The following ITGA7 variants were observed in gnomAD, a reference collection of about 807,000 sequenced individuals.
ITGA7 encodes integrin subunit alpha 7.
ITGA7 carries 84 observed loss-of-function variants against 131.6 expected under a neutral mutation model. The observed-to-expected ratio is 0.64, with a 90% CI of 0.54 to 0.77. The LOEUF is 0.77. ITGA7 is among the 30% of genes least tolerant of loss of function. ITGA7 has a pLI of 0.00. For missense variants in ITGA7, 1,399 were observed against 1,482.9 expected, an observed-to-expected ratio of 0.94 and a Z score of 0.93; for synonymous variants, 548 against 600.7, an observed-to-expected ratio of 0.91 and a Z score of 1.28.
At chr12:55,688,532 C>G (rs985727252) in intron 22 of ITGA7, among the ~76,000 whole-genome samples, 2 of 152,104 alleles carry the variant, frequency 1.3e-5, no homozygotes, top group Admixed American at 1.3e-4. Flanking sequence ...TGAGATCAGC[C>G]TGGCCAACAT....
In ITGA7 at chr12:55,700,922, G is replaced by T. The variant is rs1424008790; in HGVS notation, c.647C>A (p.Ala216Asp). ...ACCCTTCCAATTATAGGTTCCTGGG[G>T]CCCCAAAGAGGAGGTAGTGGCTATC... Reference protein sequence around the residue: ...SPDSHYLLFGAPGTYNWKGLL... With the variant: ...SPDSHYLLFGDPGTYNWKGLL... Residue 216 changes from alanine (A) to aspartate (D), a missense_variant, in exon 4 of 25, where the codon GCC becomes GAC. Physicochemically the swap from Ala to Asp is moderately radical, Grantham distance 126. Transcript: ENST00000257879. 1 of 1,614,204 alleles carries T rather than the reference G, an allele frequency of 6.2e-7. No individual in the cohort carries two copies. Among genetic ancestry groups the T allele is most frequent in the African/African-American group, 1.3e-5 (1 of 75,046 alleles).
chr12:55,688,736 A>AG lies in ITGA7; in HGVS notation c.2958+107dup, dbSNP rs796113131. Reference sequence around the variant, plus strand: ...AGACTCCGTCTCAAAAAAAAAAAAAAGGGGGGGGATGCTGCATTTGGACAG... The same window carrying AG: ...AGACTCCGTCTCAAAAAAAAAAAAAAGGGGGGGGGATGCTGCATTTGGACAG... On this transcript the variant is annotated intron_variant, in intron 22 of 24. Coordinates refer to ENST00000257879, the MANE Select transcript of ITGA7 (RefSeq NM_002206.3). 7.3e-4 allele frequency: 484 copies of AG among 660,948 alleles called. 2 individuals carry two copies. The African/African-American group carries it at 8.6e-3, about 12-fold the overall frequency. 40.9% of individuals were successfully genotyped at this position (660,948 alleles called of 1,614,324 possible).
chr12:55,700,039 C>T, intron 4 of ITGA7, 50 bp from the exon 5 acceptor site: 2 of 1,605,298 alleles, frequency 1.2e-6, no homozygotes, highest in Middle Eastern at 1.7e-4. Flanking sequence ...AGAGTAGGGG[C>T]CACAGAGTAG....
chr12:55,700,033 T>C (rs11171660), intron 4 of ITGA7, 44 bp from the exon 5 acceptor site: 13 of 1,609,534 alleles, frequency 8.1e-6, no homozygotes, highest in South Asian at 5.5e-5. Flanking sequence ...ACATCCAGAG[T>C]AGGGGCCACA....
intron 3 of ITGA7, among the ~76,000 whole-genome samples, chr12:55,702,079 G>C (rs1010238857): frequency 6.6e-6 from 1 of 152,050 alleles, no homozygotes; most frequent in African/African-American, 2.4e-5. Context: ...ACAATGGTGC[G>C]ATCTCAGCTC....
chr12:55,698,632 G>A lies in ITGA7; in HGVS notation c.999-56C>T, dbSNP rs1479303083. On this transcript the variant is annotated intron_variant, in intron 6 of 24. Transcript: ENST00000257879. ...TCCTCCCTGGCCAGAGGAGCCAGCA[G>A]GAGGCTAAGTGGCCTCAGCCAGACT... 1.9e-6 allele frequency: 3 copies of A among 1,612,334 alleles called. No individual in the cohort carries two copies. In the African/African-American group the frequency reaches 4.0e-5, roughly 22 times the overall value.
Position 55,696,967 on chromosome 12 carries a change from C to T in ITGA7, c.1669G>A (p.Ala557Thr). Residue 557 changes from alanine to threonine, a missense_variant, in exon 12 of 25, where the codon GCC becomes ACC. Transcript: ENST00000257879. ...SRNLEEPKHQ[A>T]SGTVWLKHQH... ...TGCTTCAGCCACACGGTGCCCGAGGCCTGGTGCTTGGGTTCTTCCAGGTTA... is the reference window on the plus strand; with the variant it reads ...TGCTTCAGCCACACGGTGCCCGAGGTCTGGTGCTTGGGTTCTTCCAGGTTA... The T allele has an allele frequency of 1.2e-6, 2 of 1,614,172 alleles. No individual in the cohort carries two copies. The highest frequency in any genetic ancestry group is 2.2e-5 in the South Asian group (2 of 91,084).
At chr12:55,711,991 G>A (rs1050462237), upstream of ITGA7, 56 of 1,234,552 alleles carry the variant, frequency 4.5e-5, no homozygotes, top group Non-Finnish European at 6.1e-5. Context: ...ACAGAGCCTT[G>A]GAGCTTATGT....
intron 3 of ITGA7, 29 bp from the exon 4 acceptor site, chr12:55,701,183 C>T (rs765771136): frequency 6.2e-7 from 1 of 1,614,110 alleles, no homozygotes; most frequent in Non-Finnish European, 8.5e-7. Flanking sequence ...GGGATCATTT[C>T]ACTCTGTGGG....
intron 21 of ITGA7, among the ~76,000 whole-genome samples, chr12:55,691,546 C>T (rs1397187854): frequency 6.6e-6 from 1 of 152,072 alleles, no homozygotes; most frequent in Non-Finnish European, 1.5e-5. Flanking sequence ...ATAGCCATTC[C>T]ACAGTATATA....
upstream of ITGA7, among the ~76,000 whole-genome samples, chr12:55,708,881 C>T (rs1458756282): frequency 6.6e-6 from 1 of 152,214 alleles, no homozygotes; most frequent in East Asian, 1.9e-4. Context: ...ATTGGCCTGT[C>T]CCTCTTCCTC....
chr12:55,691,150 A>T (rs977060936), intron 21 of ITGA7, among the ~76,000 whole-genome samples: 2 of 151,768 alleles, frequency 1.3e-5, no homozygotes, highest in East Asian at 1.9e-4. Context: ...AAAAATAAAA[A>T]AATAAAATAA....
intron 4 of ITGA7, 180 bp from the exon 5 acceptor site, chr12:55,700,169 G>A: frequency 6.7e-7 from 1 of 1,483,426 alleles, no homozygotes. Context: ...GTGAGAGACA[G>A]AAACAGAGAC....
Position 55,684,765 on chromosome 12 carries a change from G to A in ITGA7, c.*293C>T. On this transcript the variant is annotated 3_prime_UTR_variant, in exon 25 of 25. Transcript: ENST00000257879. ...GGGGTCCTGTTACACAGGGTGAATG[G>A]GAGAGGAAGGGATTAGGATCCCTTC... 2.4e-6 allele frequency: 1 copy of A among 421,876 alleles called. No individual in the cohort carries two copies. The highest frequency in any genetic ancestry group is 4.8e-5 in the South Asian group (1 of 20,646). The allele number at this position is 421,876 out of a possible 1,614,324, so 26.1% of individuals were successfully genotyped here. A position where few individuals can be genotyped will look rare whatever the true frequency, so the allele number is the denominator to read the frequency against.
At chr12:55,715,970 T>C (rs1206357110), upstream of ITGA7, 2 of 1,454,928 alleles carry the variant, frequency 1.4e-6, no homozygotes, top group Non-Finnish European at 1.8e-6. Context: ...CGCAACCCTC[T>C]ACCTCTCTTC....
At chr12:55,687,044 T>C (rs1870310279) in intron 24 of ITGA7, among the ~76,000 whole-genome samples, 1 of 152,074 alleles carries the variant, frequency 6.6e-6, no homozygotes, top group African/African-American at 2.4e-5. Flanking sequence ...CTCAAGCTTT[T>C]TTCCCTCTAA....
chr12:55,698,531 T>G lies in ITGA7; in HGVS notation c.1044A>C (p.Gln348His). The change falls in exon 7 of 25, where the codon CAA becomes CAC. Residue 348 changes from glutamine to histidine, a missense_variant. Coordinates refer to ENST00000257879, the MANE Select transcript of ITGA7 (RefSeq NM_002206.3). Reference protein sequence around the residue: ...IVGAPYFFERQEELGGAVYVY... With the variant: ...IVGAPYFFERHEELGGAVYVY... ...CATACACAGCACCCCCCAGCTCTTCTTGGCGCTCAAAGAAGTAGGGGGCAC... is the reference window on the plus strand; with the variant it reads ...CATACACAGCACCCCCCAGCTCTTCGTGGCGCTCAAAGAAGTAGGGGGCAC... 6.2e-7 allele frequency: 1 copy of G among 1,614,084 alleles called. No individual in the cohort carries two copies. Among genetic ancestry groups the G allele is most frequent in the African/African-American group, 1.3e-5 (1 of 75,004 alleles).
At chr12:55,697,160 A>C (rs963868287) in intron 11 of ITGA7, 56 bp downstream of exon 11, 2 of 1,569,370 alleles carry the variant, frequency 1.3e-6, no homozygotes, top group Non-Finnish European at 8.6e-7. Context: ...CCTCGAAGTG[A>C]CCCCCCTCCC....
At position 55,707,490 on chromosome 12, in the gene ITGA7, G is replaced by T. The variant is rs17854602; in HGVS notation, c.193C>A (p.Arg65=). The T allele has an allele frequency of 1.5e-5, 24 of 1,613,330 alleles. No individual in the cohort carries two copies. Among genetic ancestry groups the T allele is most frequent in the Non-Finnish European group, 2.0e-5 (24 of 1,179,772 alleles). Residue 65 remains arginine, a synonymous_variant, in exon 1 of 25, where the codon CGA becomes AGA. Transcript: ENST00000257879. ...SVALHRQLQP[R]PQSWLLVGAP... Reference sequence around the variant, plus strand: ...GCGGTGACTCACCAGCTCTGGGGTCGGGGCTGCAACTGCCGGTGCAGGGCC... The same window carrying T: ...GCGGTGACTCACCAGCTCTGGGGTCTGGGCTGCAACTGCCGGTGCAGGGCC...
Sources: allele counts gnomAD v4.1 joint callset (sites outside exome capture counted in the v4.1 genomes callset), GRCh38; gene constraint gnomAD v4.1.1; transcripts MANE v1.5; gene names NCBI Gene and HGNC (gene_info 2026-07-23, HGNC 2026-07-21).